Variants in FSTL4 observed in about 807,000 individuals in gnomAD.
FSTL4 encodes the protein follistatin like 4, also known as follistatin-related protein 4.
FSTL4 carries 28 observed loss-of-function variants against 78.2 expected under a neutral mutation model. The observed-to-expected ratio is 0.36, with a 90% CI of 0.27 to 0.49. FSTL4 has a LOEUF of 0.49. Among genes scored for constraint, FSTL4 ranks in the 20% least tolerant of loss-of-function variants. FSTL4 has a pLI of 0.98. For synonymous variants in FSTL4, 422 were observed against 440.5 expected, an observed-to-expected ratio of 0.96 and a Z score of 0.53; for missense variants, 922 against 1,084.9, an observed-to-expected ratio of 0.85 and a Z score of 2.11.
chr5:133,751,745 A>G, the FSTL4 span, among the ~76,000 whole-genome samples: 1 of 152,236 alleles, frequency 6.6e-6, no homozygotes, highest in Non-Finnish European at 1.5e-5. Context: ...CCTAGAATAA[A>G]TAGTCTTTTT....
intron 3 of FSTL4, among the ~76,000 whole-genome samples, chr5:133,432,137 C>A (rs1285462018): frequency 2.6e-5 from 4 of 152,026 alleles, no homozygotes; most frequent in South Asian, 2.1e-4. Flanking sequence ...TCAAGCAGGG[C>A]AAGACTGGTT....
chr5:133,821,544 G>A, the FSTL4 span, among the ~76,000 whole-genome samples: 8 of 152,302 alleles, frequency 5.3e-5, no homozygotes, highest in South Asian at 1.5e-3. Context: ...GGCCACTCTA[G>A]AAACAGTGGG....
At chr5:133,801,863 C>T in the FSTL4 span, among the ~76,000 whole-genome samples, 1 of 152,220 alleles carries the variant, frequency 6.6e-6, no homozygotes, top group African/African-American at 2.4e-5. Context: ...TCAGTCATTG[C>T]CCCTTCCAGC....
chr5:133,406,556 T>C (rs1015369958), intron 3 of FSTL4, among the ~76,000 whole-genome samples: 3 of 152,178 alleles, frequency 2.0e-5, no homozygotes, highest in African/African-American at 7.2e-5. Flanking sequence ...TCCACACTCC[T>C]AGATGCCCTG....
intron 6 of FSTL4, among the ~76,000 whole-genome samples, chr5:133,290,126 A>G (rs1450749688): frequency 6.6e-6 from 1 of 152,216 alleles, no homozygotes; most frequent in Non-Finnish European, 1.5e-5. Context: ...CAGCACCAGC[A>G]GGGTGTGGCC....
At chr5:133,563,375 C>A (rs1278513599) in intron 3 of FSTL4, among the ~76,000 whole-genome samples, 2 of 152,190 alleles carry the variant, frequency 1.3e-5, no homozygotes, top group Non-Finnish European at 2.9e-5. Context: ...ACTTAAGCAA[C>A]CACCACCCAC....
chr5:133,404,690 T>C (rs1309514040), intron 3 of FSTL4, among the ~76,000 whole-genome samples: 2 of 152,026 alleles, frequency 1.3e-5, no homozygotes, highest in Middle Eastern at 6.3e-3. Context: ...GGTGGTGTAA[T>C]TGAGCGGTTG....
the FSTL4 span, among the ~76,000 whole-genome samples, chr5:133,767,101 G>C: frequency 9.8e-5 from 15 of 152,302 alleles, no homozygotes; most frequent in Non-Finnish European, 1.9e-4. Flanking sequence ...TTGAGCAAAG[G>C]TAGTATATTT....
intron 3 of FSTL4, among the ~76,000 whole-genome samples, chr5:133,530,256 C>T (rs1759223738): frequency 6.6e-6 from 1 of 152,168 alleles, no homozygotes; most frequent in Admixed American, 6.5e-5. Flanking sequence ...TCTGAAGCTG[C>T]AGCATGAGCC....
rs1282178717 is a variant in FSTL4 at position 133,545,009 on chromosome 5, GA to G, written c.160+22176del. ...ATTTGTCCCTGGTTTCTGAAAGGGA[GA>G]AAATCCTTGGAGTAATAGGAGTATC... On this transcript the variant is annotated intron_variant, in intron 3 of 15. Transcript: ENST00000265342. Among the ~76,000 whole-genome samples the G allele has an allele frequency of 5.1e-4, 78 of 152,302 alleles. 1 individual carries two copies. Among genetic ancestry groups the G allele is most frequent in the African/African-American group, 1.9e-3 (78 of 41,576 alleles).
Position 133,235,755 on chromosome 5 carries a change from G to A in FSTL4, c.895-2218C>T, listed in dbSNP as rs574990529. On this transcript the variant is annotated intron_variant, in intron 7 of 15. Transcript: ENST00000265342. Reference sequence around the variant, plus strand: ...AAAGAGCCCTTTTCTACCATTCTGCGGAAGCCTCCATGATAAAATAAAACA... The same window carrying A: ...AAAGAGCCCTTTTCTACCATTCTGCAGAAGCCTCCATGATAAAATAAAACA... Among the ~76,000 whole-genome samples the A allele has an allele frequency of 1.5e-3, 228 of 152,192 alleles. 2 individuals carry two copies. Among genetic ancestry groups the A allele is most frequent in the African/African-American group, 4.7e-3 (194 of 41,536 alleles).
the FSTL4 span, among the ~76,000 whole-genome samples, chr5:133,805,511 A>T: frequency 6.6e-6 from 1 of 152,208 alleles, no homozygotes; most frequent in African/African-American, 2.4e-5. Context: ...TGGTGAGAGG[A>T]TGGGGTTGTT....
At chr5:133,717,244 T>C in the FSTL4 span, among the ~76,000 whole-genome samples, 1 of 152,336 alleles carries the variant, frequency 6.6e-6, no homozygotes, top group East Asian at 1.9e-4. Context: ...GATGGAATAC[T>C]ATGCAGCAAT....
chr5:133,638,106 T>G, the FSTL4 span, among the ~76,000 whole-genome samples: 1 of 152,144 alleles, frequency 6.6e-6, no homozygotes, highest in African/African-American at 2.4e-5. Context: ...GCCTTGGAGT[T>G]ATCCTTGGCT....
At chr5:133,819,548 A>G in the FSTL4 span, among the ~76,000 whole-genome samples, 1 of 152,152 alleles carries the variant, frequency 6.6e-6, no homozygotes, top group African/African-American at 2.4e-5. Flanking sequence ...TAATTTAAGC[A>G]TCTGTTTGTG....
At chr5:133,820,681 G>A in the FSTL4 span, among the ~76,000 whole-genome samples, 1 of 152,356 alleles carries the variant, frequency 6.6e-6, no homozygotes, top group Admixed American at 6.5e-5. Context: ...CCGGAGTCAA[G>A]TGCAGCTTTA....
intron 2 of FSTL4, among the ~76,000 whole-genome samples, chr5:133,591,839 A>G (rs1374662826): frequency 6.6e-6 from 1 of 152,080 alleles, no homozygotes; most frequent in Non-Finnish European, 1.5e-5. Context: ...CAATGCCTCT[A>G]AGCCTGAGCC....
chr5:133,557,749 C>G (rs770991322), intron 3 of FSTL4, among the ~76,000 whole-genome samples: 28 of 152,186 alleles, frequency 1.8e-4, no homozygotes, highest in Admixed American at 1.0e-3. Context: ...CACTCCATAT[C>G]AAGTATATCT....
chr5:133,315,779 A>C (rs1445731626), intron 5 of FSTL4, among the ~76,000 whole-genome samples: 1 of 152,184 alleles, frequency 6.6e-6, no homozygotes, highest in Non-Finnish European at 1.5e-5. Flanking sequence ...TTCTACCATC[A>C]GGACCCTACA....
Sources: allele counts gnomAD v4.1 joint callset (sites outside exome capture counted in the v4.1 genomes callset), GRCh38; gene constraint gnomAD v4.1.1; transcripts MANE v1.5; gene names NCBI Gene and HGNC (gene_info 2026-07-23, HGNC 2026-07-21).